The following GAB1 variants were observed in gnomAD, a reference collection of about 807,000 sequenced individuals.
The protein encoded by GAB1 is GRB2-associated-binding protein 1.
GAB1 carries 19 observed loss-of-function variants against 66.5 expected under a neutral mutation model. The ratio of observed to expected loss-of-function variants is 0.29; its 90% CI spans 0.20 to 0.42. GAB1 has a LOEUF of 0.42. GAB1 is among the 10% of genes least tolerant of loss of function. The pLI is 1.00. For synonymous variants in GAB1, 294 were observed against 301.4 expected, an observed-to-expected ratio of 0.98 and a Z score of 0.25; for missense variants, 732 against 858.5, an observed-to-expected ratio of 0.85 and a Z score of 1.84.
intron 2 of GAB1, chr4:143,426,109 G>A (rs2149735305): frequency 2.1e-6 from 1 of 481,680 alleles, no homozygotes; most frequent in Non-Finnish European, 3.7e-6. Context: ...AAAAGTTAGA[G>A]GTTGGTTCAC....
At chr4:143,403,836 A>G (rs1368852474) in intron 1 of GAB1, among the ~76,000 whole-genome samples, 2 of 152,242 alleles carry the variant, frequency 1.3e-5, no homozygotes, top group Non-Finnish European at 2.9e-5. Flanking sequence ...TCTCTTTGGA[A>G]GGATGTCTTT....
Position 143,403,483 on chromosome 4 carries a change from G to A in GAB1, c.73-11994G>A, listed in dbSNP as rs150940770. Among the ~76,000 whole-genome samples the A allele has an allele frequency of 5.3e-5, 8 of 152,218 alleles. No homozygotes were observed. In the East Asian group the frequency reaches 1.5e-3, roughly 29 times the overall value. The stretch of plus-strand genomic sequence containing the variant: ...CCATAAAATGGGCAAGATGGCACTT[G>A]GATTTATTGAAAACAAAAAGAAATA... On this transcript the variant is annotated intron_variant, in intron 1 of 9. Transcript: ENST00000262994.
rs544319230 is a variant in GAB1, at chr4:143,441,979, G to A, written c.1585+1597G>A. Among the ~76,000 whole-genome samples, 5 of 152,302 alleles carry A rather than the reference G, an allele frequency of 3.3e-5. No homozygotes were observed. The South Asian group carries it at 1.0e-3, about 32-fold the overall frequency. ...GCCCTGGCAGCAGGGCTGTGATTGC[G>A]GTGTGGATCTCAGAAAGGATGTGAG... On this transcript the variant is annotated intron_variant, in intron 6 of 9. Coordinates refer to ENST00000262994, the MANE Select transcript of GAB1 (RefSeq NM_002039.4).
chr4:143,423,291 G>A (rs903843006), intron 2 of GAB1, among the ~76,000 whole-genome samples: 18 of 152,198 alleles, frequency 1.2e-4, no homozygotes, highest in African/African-American at 4.1e-4. Flanking sequence ...TCCTTTGTAT[G>A]TTAATGTGGT....
At chr4:143,385,177 T>G (rs763940875) in intron 1 of GAB1, among the ~76,000 whole-genome samples, 17 of 152,178 alleles carry the variant, frequency 1.1e-4, no homozygotes, top group Non-Finnish European at 2.2e-4. Context: ...ATAATCATAA[T>G]TCTTCAAAAC....
chr4:143,401,349 G>A (rs1243963070), intron 1 of GAB1, among the ~76,000 whole-genome samples: 1 of 152,126 alleles, frequency 6.6e-6, no homozygotes, highest in Non-Finnish European at 1.5e-5. Context: ...TGGTAAACAA[G>A]GTGATAACAT....
At chr4:143,446,292 C>T (rs1024248572) in intron 6 of GAB1, among the ~76,000 whole-genome samples, 2 of 152,110 alleles carry the variant, frequency 1.3e-5, no homozygotes, top group African/African-American at 4.8e-5. Context: ...GATTTATAGT[C>T]CTTTGGGTAT....
intron 1 of GAB1, among the ~76,000 whole-genome samples, chr4:143,361,393 G>C (rs1451106126): frequency 6.6e-6 from 1 of 152,056 alleles, no homozygotes; most frequent in Admixed American, 6.5e-5. Flanking sequence ...TCACTGTTTT[G>C]TTTGCTCTGC....
intron 1 of GAB1, among the ~76,000 whole-genome samples, chr4:143,358,605 A>G (rs1729539172): frequency 6.6e-6 from 1 of 152,224 alleles, no homozygotes; most frequent in African/African-American, 2.4e-5. Flanking sequence ...GTCCTAAAAC[A>G]ACGTTAGTGA....
At chr4:143,394,656 A>C (rs1731352050) in intron 1 of GAB1, among the ~76,000 whole-genome samples, 1 of 152,122 alleles carries the variant, frequency 6.6e-6, no homozygotes, top group African/African-American at 2.4e-5. Flanking sequence ...TGGGTTCCTA[A>C]ATATGTTTCT....
chr4:143,342,543 CTTTTTTTTTTTTTTTT>C (rs5862632), intron 1 of GAB1, among the ~76,000 whole-genome samples: 1 of 62,482 alleles, frequency 1.6e-5, no homozygotes, highest in Non-Finnish European at 2.9e-5. Context: ...GTGATAGATT[CTTTTTTTTTTTTTTTT>C]TTTTTTTTTT....
intron 9 of GAB1, among the ~76,000 whole-genome samples, chr4:143,467,110 ATG>A (rs1735833120): frequency 6.6e-6 from 1 of 152,104 alleles, no homozygotes; most frequent in South Asian, 2.1e-4. Context: ...TATAACTTAA[ATG>A]TCTTTATTTT....
chr4:143,438,630 GAGGTT>G, intron 4 of GAB1, 30 bp downstream of exon 4: 4 of 1,579,802 alleles, frequency 2.5e-6, no homozygotes, highest in Non-Finnish European at 3.4e-6. Context: ...TTCTCTATTA[GAGGTT>G]AATGATAGAA....
chr4:143,379,095 C>A (rs998541440), intron 1 of GAB1, among the ~76,000 whole-genome samples: 3 of 152,140 alleles, frequency 2.0e-5, no homozygotes, highest in African/African-American at 7.2e-5. Flanking sequence ...AGACCAAAGC[C>A]TCATTCATTG....
intron 1 of GAB1, among the ~76,000 whole-genome samples, chr4:143,393,082 G>C (rs1731261818): frequency 6.6e-6 from 1 of 151,852 alleles, no homozygotes; most frequent in South Asian, 2.1e-4. Context: ...GAATCTTTCA[G>C]TTTTGCTTCT....
At chr4:143,346,102 TTCCTATTCATTTC>T (rs1213863189) in intron 1 of GAB1, among the ~76,000 whole-genome samples, 3 of 152,238 alleles carry the variant, frequency 2.0e-5, no homozygotes, top group African/African-American at 7.2e-5. Flanking sequence ...ACTCTCTCTT[TTCCTATTCATTTC>T]TGCTTCTCTG....
chr4:143,377,003 C>T (rs886212750), intron 1 of GAB1: 2 of 151,866 alleles, frequency 1.3e-5, no homozygotes, highest in African/African-American at 2.4e-5. Context: ...GGCAGGGTCT[C>T]GAGCCACCAG....
At chr4:143,398,910 T>G (rs761973021) in intron 1 of GAB1, among the ~76,000 whole-genome samples, 3 of 151,630 alleles carry the variant, frequency 2.0e-5, no homozygotes, top group Non-Finnish European at 4.4e-5. Context: ...AAAAAAAAAG[T>G]AAGTAAGTAA....
At chr4:143,343,908 G>A (rs1409101437) in intron 1 of GAB1, among the ~76,000 whole-genome samples, 3 of 152,200 alleles carry the variant, frequency 2.0e-5, no homozygotes, top group African/African-American at 7.2e-5. Context: ...TCTAGTTTGA[G>A]AAGTTTTTGT....
Sources: allele counts gnomAD v4.1 joint callset (sites outside exome capture counted in the v4.1 genomes callset), GRCh38; gene constraint gnomAD v4.1.1; transcripts MANE v1.5; gene names NCBI Gene and HGNC (gene_info 2026-07-23, HGNC 2026-07-21).